Variants in BCL7A observed in about 807,000 individuals in gnomAD.
BCL7A encodes B-cell CLL/lymphoma 7 protein family member A.
A neutral mutation model predicts 28.4 loss-of-function variants in BCL7A; 11 were observed. The ratio of observed to expected loss-of-function variants is 0.39; its 90% CI spans 0.24 to 0.64. The LOEUF (loss-of-function observed/expected upper bound fraction) is 0.64, where lower values mean the gene tolerates loss of function less well. BCL7A is among the 30% of genes least tolerant of loss of function. BCL7A has a pLI of 0.50. For synonymous variants in BCL7A, 123 were observed against 103.3 expected (o/e 1.19, Z -1.15); for missense variants, 222 against 274.8 (o/e 0.81, Z 1.36).
rs61508830 is a variant in BCL7A, at chr12:122,049,069, CAA to C, written c.439+5024_439+5025del. On this transcript the variant is annotated intron_variant, in intron 4 of 5. Transcript: ENST00000261822. ...ATATATATATACATATACACACACA[CAA>C]AAAAAAATACATAAAACTATAGGCA... 5.6e-3 allele frequency among the ~76,000 whole-genome samples: 565 copies of C among 100,868 alleles called. 1 individual carries two copies. The highest frequency in any genetic ancestry group is 0.02 in the African/African-American group (522 of 26,516). The allele number at this position is 100,868 out of a possible 152,430, so 66.2% of individuals were successfully genotyped here.
intron 3 of BCL7A, among the ~76,000 whole-genome samples, chr12:122,035,912 C>T (rs1266814019): frequency 6.6e-6 from 1 of 152,090 alleles, no homozygotes; most frequent in African/African-American, 2.4e-5. Flanking sequence ...GTGGTCTTGG[C>T]TCACTGCAAT....
chr12:122,057,273 AAG>A (rs1174894665), intron 5 of BCL7A, among the ~76,000 whole-genome samples: 4 of 152,174 alleles, frequency 2.6e-5, no homozygotes, highest in Non-Finnish European at 5.9e-5. Flanking sequence ...TGAAGAACGA[AAG>A]AGAGGCCAGG....
chr12:122,056,625 A>AC (rs1158555749), intron 5 of BCL7A, among the ~76,000 whole-genome samples: 5 of 151,964 alleles, frequency 3.3e-5, no homozygotes, highest in African/African-American at 1.2e-4. Context: ...ACATAGCAAG[A>AC]CCCCGTCTCT....
chr12:122,023,965 C>G (rs564717954), intron 1 of BCL7A, among the ~76,000 whole-genome samples: 2 of 152,330 alleles, frequency 1.3e-5, no homozygotes, highest in East Asian at 1.9e-4. Flanking sequence ...GGGCCTCCTA[C>G]TCCAGGTTCC....
At chr12:122,025,262 C>G (rs1883595529) in intron 1 of BCL7A, among the ~76,000 whole-genome samples, 1 of 151,792 alleles carries the variant, frequency 6.6e-6, no homozygotes, top group African/African-American at 2.4e-5. Context: ...CTTTGGGAGG[C>G]TGAGACAGGA....
intron 2 of BCL7A, among the ~76,000 whole-genome samples, chr12:122,031,026 T>G (rs545872610): frequency 6.6e-6 from 1 of 151,976 alleles, no homozygotes; most frequent in Non-Finnish European, 1.5e-5. Context: ...GTCTTCTTCT[T>G]CTTCTTCTTC....
chr12:122,037,451 G>A (rs150765033), intron 3 of BCL7A, among the ~76,000 whole-genome samples: 1 of 152,286 alleles, frequency 6.6e-6, no homozygotes, highest in East Asian at 1.9e-4. Flanking sequence ...ACTTCCCCAC[G>A]TGCTCAAATC....
intron 2 of BCL7A, among the ~76,000 whole-genome samples, chr12:122,034,243 A>C (rs1338175880): frequency 4.9e-4 from 44 of 90,266 alleles, no homozygotes; most frequent in South Asian, 2.4e-3. Context: ...ATATATATAT[A>C]TCTTGGCGAT....
intron 4 of BCL7A, among the ~76,000 whole-genome samples, chr12:122,051,004 T>G (rs1196529740): frequency 6.6e-6 from 1 of 152,172 alleles, no homozygotes; most frequent in African/African-American, 2.4e-5. Context: ...CGTTCCTGCT[T>G]CTTTCCCATC....
Position 122,029,437 on chromosome 12 carries a change from T to C in BCL7A, c.93-1263T>C, listed in dbSNP as rs1223379271. Among the ~76,000 whole-genome samples the C allele has an allele frequency of 2.6e-5, 4 of 152,030 alleles. No individual in the cohort carries two copies. On this transcript the variant is annotated intron_variant, in intron 1 of 5. Coordinates refer to ENST00000261822, the MANE Select transcript of BCL7A (RefSeq NM_001024808.3). The surrounding 1 kb of genome is among the most constrained non-coding windows in gnomAD (Gnocchi z 4.3). Reference sequence around the variant, plus strand: ...GGCCACATGCCCCACGAGGGGGTGATCTAAGGCTGAGTTTGGGCAGAGAGG... The same window carrying C: ...GGCCACATGCCCCACGAGGGGGTGACCTAAGGCTGAGTTTGGGCAGAGAGG...
intron 3 of BCL7A, among the ~76,000 whole-genome samples, chr12:122,036,295 G>T (rs1039141961): frequency 1.3e-5 from 2 of 152,140 alleles, no homozygotes; most frequent in East Asian, 3.8e-4. Context: ...TCCTTGGGAG[G>T]CTGAGGTGGG....
chr12:122,054,756 G>A (rs761502496), intron 4 of BCL7A, 49 bp from the exon 5 acceptor site: 10 of 1,579,800 alleles, frequency 6.3e-6, no homozygotes, highest in African/African-American at 4.1e-5. Flanking sequence ...CACCGGCCCC[G>A]CCTCTCACGT....
chr12:122,059,425 A>G lies in BCL7A; in HGVS notation c.*262A>G. 1 of 380,036 alleles carries G rather than the reference A, an allele frequency of 2.6e-6. No individual in the cohort carries two copies. The highest frequency in any genetic ancestry group is 4.2e-5 in the East Asian group (1 of 24,084). 23.5% of individuals were successfully genotyped at this position (380,036 alleles called of 1,614,324 possible). Reference sequence around the variant, plus strand: ...GCTGACAGCTCAGGAGTGTCTGCACACTGTCTCGGAAGCCAGGATTCCATT... The same window carrying G: ...GCTGACAGCTCAGGAGTGTCTGCACGCTGTCTCGGAAGCCAGGATTCCATT... On this transcript the variant is annotated 3_prime_UTR_variant, in exon 6 of 6. Coordinates refer to ENST00000261822, the MANE Select transcript of BCL7A (RefSeq NM_001024808.3). This position sits in a 1 kb window ranked among gnomAD's most constrained non-coding sequence, Gnocchi z 4.0.
chr12:122,036,325 AG>A (rs1198899120), intron 3 of BCL7A, among the ~76,000 whole-genome samples: 2 of 152,110 alleles, frequency 1.3e-5, no homozygotes, highest in African/African-American at 4.8e-5. Context: ...TGAGCCCAGG[AG>A]TTCAAGGCTG....
rs1033597709 is a variant in BCL7A at position 122,060,894 on chromosome 12, A to G, written c.*1731A>G. 27 of 179,214 alleles carry G rather than the reference A, an allele frequency of 1.5e-4. No homozygotes were observed. The highest frequency in any genetic ancestry group is 3.0e-4 in the African/African-American group (12 of 39,912). 11.1% of individuals were successfully genotyped at this position (179,214 alleles called of 1,614,324 possible). ...TGCAAAATGTCTCCTGAAATAAGGG[A>G]AAAAAAAAAAACCACAACTTTGAAA... On this transcript the variant is annotated 3_prime_UTR_variant, in exon 6 of 6. Transcript: ENST00000261822.
chr12:122,024,126 G>A (rs1883553264), intron 1 of BCL7A, among the ~76,000 whole-genome samples: 1 of 152,216 alleles, frequency 6.6e-6, no homozygotes, highest in African/African-American at 2.4e-5. Flanking sequence ...ACCCCGCGGG[G>A]ACCAGGCCTG....
At position 122,034,425 on chromosome 12, in the gene BCL7A, TAA is replaced by T. The variant is rs35998182; in HGVS notation, c.175-885_175-884del. Among the ~76,000 whole-genome samples, 455 of 118,376 alleles carry T rather than the reference TAA, an allele frequency of 3.8e-3. 10 individuals carry two copies. In the East Asian group the frequency reaches 0.056, roughly 15 times the overall value. The allele number at this position is 118,376 out of a possible 152,430, so 77.7% of individuals were successfully genotyped here. On this transcript the variant is annotated intron_variant, in intron 2 of 5. Coordinates refer to ENST00000261822, the MANE Select transcript of BCL7A (RefSeq NM_001024808.3). ...GTTGTTTCTAACATGATTCCTTTCG[TAA>T]AAAAAAAAAAAAAAAAAAAATTGAA...
intron 1 of BCL7A, 22 bp downstream of exon 1, chr12:122,022,205 C>A: frequency 7.0e-7 from 1 of 1,428,972 alleles, no homozygotes; most frequent in Non-Finnish European, 9.3e-7. Context: ...CGCCCGCCGC[C>A]AGCCGCCTCC....
intron 5 of BCL7A, among the ~76,000 whole-genome samples, chr12:122,058,430 G>T (rs1951893678): frequency 6.6e-6 from 1 of 152,052 alleles, no homozygotes; most frequent in African/African-American, 2.4e-5. Flanking sequence ...AGGCCGAGGT[G>T]GGCAGATAAC....
Sources: gnomAD v4.1 joint callset for allele counts (sites outside exome capture counted in the v4.1 genomes callset) on GRCh38, gnomAD v4.1.1 for gene constraint, Gnocchi (gnomAD v3.1) non-coding constraint, MANE v1.5 for transcripts, NCBI Gene and HGNC (gene_info 2026-07-23, HGNC 2026-07-21) for gene names.